The following PLCB1 variants were observed in gnomAD, a reference collection of about 807,000 sequenced individuals.
PLCB1 encodes the protein phospholipase C beta 1.
Under a neutral mutation model 161.8 loss-of-function variants are expected in PLCB1, and 46 were observed. The ratio of observed to expected loss-of-function variants is 0.28; its 90% confidence interval spans 0.22 to 0.36. PLCB1 has a LOEUF of 0.36. Ranked by LOEUF, PLCB1 falls within the 10% of genes least tolerant of loss-of-function variation. The probability of loss-of-function intolerance (pLI) is 1.00; values close to 1 mark genes in which losing one functional copy is unlikely to be tolerated. For synonymous variants in PLCB1, 517 were observed against 503.7 expected, an observed-to-expected ratio of 1.03 and a Z score of -0.35; for missense variants, 1,016 against 1,472.5, an observed-to-expected ratio of 0.69 and a Z score of 5.07.
intron 2 of PLCB1, among the ~76,000 whole-genome samples, chr20:8,264,599 G>A (rs1209634029): frequency 1.3e-5 from 2 of 152,094 alleles, no homozygotes; most frequent in African/African-American, 4.8e-5. Flanking sequence ...GCTCTGCAAC[G>A]TTATGGCAGC....
chr20:8,612,441 G>A (rs185235597), intron 3 of PLCB1, among the ~76,000 whole-genome samples: 22 of 152,276 alleles, frequency 1.4e-4, no homozygotes, highest in Non-Finnish European at 1.9e-4. Context: ...GGGTGGCATA[G>A]CAACAATGGT....
At chr20:8,313,999 C>T (rs1007676611) in intron 2 of PLCB1, among the ~76,000 whole-genome samples, 12 of 152,270 alleles carry the variant, frequency 7.9e-5, no homozygotes, top group South Asian at 2.1e-4. Flanking sequence ...TTGACTCTCC[C>T]GAAGTAGGCT....
chr20:8,777,048 G>A (rs144633556), intron 27 of PLCB1, among the ~76,000 whole-genome samples: 175 of 152,266 alleles, frequency 1.1e-3, no homozygotes, highest in African/African-American at 4.0e-3. Flanking sequence ...GGCATGCAAA[G>A]ACTCTGGGCT....
At chr20:8,427,130 C>A (rs572977401) in intron 3 of PLCB1, among the ~76,000 whole-genome samples, 1 of 152,054 alleles carries the variant, frequency 6.6e-6, no homozygotes, top group East Asian at 1.9e-4. Context: ...GGGCTGGTCT[C>A]GAACTGCTGA....
chr20:8,542,540 G>A (rs1375374164), intron 3 of PLCB1, among the ~76,000 whole-genome samples: 1 of 152,132 alleles, frequency 6.6e-6, no homozygotes, highest in African/African-American at 2.4e-5. Context: ...TAATTGTTCT[G>A]AAATCACATG....
intron 3 of PLCB1, among the ~76,000 whole-genome samples, chr20:8,626,646 A>C (rs2123212608): frequency 6.6e-6 from 1 of 152,328 alleles, no homozygotes; most frequent in South Asian, 2.1e-4. Flanking sequence ...AGACTGTGGA[A>C]GTAAATATAT....
At chr20:8,537,546 C>G (rs1269288207) in intron 3 of PLCB1, among the ~76,000 whole-genome samples, 1 of 152,086 alleles carries the variant, frequency 6.6e-6, no homozygotes, top group Non-Finnish European at 1.5e-5. Flanking sequence ...CCAGGGTCAC[C>G]TGACTTTCTT....
At chr20:8,284,488 A>C (rs1367629235) in intron 2 of PLCB1, among the ~76,000 whole-genome samples, 1 of 152,188 alleles carries the variant, frequency 6.6e-6, no homozygotes, top group Non-Finnish European at 1.5e-5. Context: ...CTGTGATCCC[A>C]GAGCCTTGGG....
chr20:8,466,800 G>A (rs1330460291), intron 3 of PLCB1, among the ~76,000 whole-genome samples: 2 of 152,018 alleles, frequency 1.3e-5, no homozygotes, highest in Non-Finnish European at 2.9e-5. Context: ...CATACATTTG[G>A]CCATCACAAC....
chr20:8,367,667 C>T (rs1264996057), intron 2 of PLCB1, among the ~76,000 whole-genome samples: 1 of 152,102 alleles, frequency 6.6e-6, no homozygotes, highest in East Asian at 1.9e-4. Flanking sequence ...TAATGAATTC[C>T]ACAAAGCTGG....
At chr20:8,680,130 T>C (rs1453267810) in intron 9 of PLCB1, among the ~76,000 whole-genome samples, 2 of 152,206 alleles carry the variant, frequency 1.3e-5, no homozygotes, top group African/African-American at 4.8e-5. Flanking sequence ...TTATCTTAAT[T>C]CTCAAGGTTT....
intron 11 of PLCB1, among the ~76,000 whole-genome samples, chr20:8,705,720 T>A (rs1978633192): frequency 1.3e-5 from 2 of 152,194 alleles, no homozygotes; most frequent in Non-Finnish European, 2.9e-5. Flanking sequence ...GATGAAAGCA[T>A]GCTTGATGTA....
At chr20:8,719,723 A>G (rs1340503087) in intron 14 of PLCB1, among the ~76,000 whole-genome samples, 2 of 152,144 alleles carry the variant, frequency 1.3e-5, no homozygotes, top group African/African-American at 4.8e-5. Flanking sequence ...TCTGGATATC[A>G]TTTACTCAGA....
At chr20:8,381,700 A>G (rs1383466777) in intron 3 of PLCB1, among the ~76,000 whole-genome samples, 2 of 152,060 alleles carry the variant, frequency 1.3e-5, no homozygotes, top group Non-Finnish European at 2.9e-5. Flanking sequence ...GAATTTATTC[A>G]TTTCTTCTAG....
At chr20:8,771,354 T>G (rs1982667198) in intron 26 of PLCB1, among the ~76,000 whole-genome samples, 2 of 152,192 alleles carry the variant, frequency 1.3e-5, no homozygotes. Flanking sequence ...ATTACATATG[T>G]GAAGGGAATC....
intron 3 of PLCB1, among the ~76,000 whole-genome samples, chr20:8,447,024 A>G (rs532336620): frequency 3.6e-4 from 55 of 152,320 alleles, no homozygotes; most frequent in Middle Eastern, 6.8e-3. Flanking sequence ...ATTGCATGCA[A>G]ATCTTAAGTA....
chr20:8,588,172 T>C (rs1255571169), intron 3 of PLCB1, among the ~76,000 whole-genome samples: 1 of 152,172 alleles, frequency 6.6e-6, no homozygotes, highest in Non-Finnish European at 1.5e-5. Context: ...GAAGTTCAAG[T>C]ATATTTAAAA....
chr20:8,552,530 A>T (rs1348684670), intron 3 of PLCB1, among the ~76,000 whole-genome samples: 1 of 152,194 alleles, frequency 6.6e-6, no homozygotes, highest in Non-Finnish European at 1.5e-5. Flanking sequence ...AGTGTTTCTT[A>T]TACAATAGCC....
intron 9 of PLCB1, among the ~76,000 whole-genome samples, chr20:8,668,839 C>T (rs1176023561): frequency 6.6e-6 from 1 of 152,294 alleles, no homozygotes; most frequent in Admixed American, 6.5e-5. Context: ...ACACTATTCA[C>T]GATACTATAA....
Sources: allele counts gnomAD v4.1 joint callset (sites outside exome capture counted in the v4.1 genomes callset), GRCh38; gene constraint gnomAD v4.1.1; transcripts MANE v1.5; gene names NCBI Gene and HGNC (gene_info 2026-07-23, HGNC 2026-07-21).